The following ERICH1 variants were observed in gnomAD, a reference collection of about 807,000 sequenced individuals.
ERICH1 encodes glutamate rich 1.
ERICH1 carries 56 observed loss-of-function variants against 39.6 expected under a neutral mutation model. The ratio of observed to expected loss-of-function variants is 1.41; its 90% CI spans 1.14 to 1.77. The LOEUF is 1.77. Ranked by LOEUF, ERICH1 falls within the 40% of genes most tolerant of loss-of-function variation. The probability of loss-of-function intolerance (pLI) is 0.00; values close to 1 mark genes in which losing one functional copy is unlikely to be tolerated. For missense variants in ERICH1, 826 were observed against 575.4 expected (o/e 1.44, Z -4.45); for synonymous variants, 313 against 223.6 (o/e 1.40, Z -3.57).
chr8:699,769 G>A, intron 2 of ERICH1, among the ~76,000 whole-genome samples: 1 of 95,642 alleles, frequency 1.0e-5, no homozygotes, highest in South Asian at 3.4e-4. Context: ...TCACACAGCC[G>A]CACAGACCCG....
chr8:617,457 G>A (rs1478702123), intron 3 of ERICH1, among the ~76,000 whole-genome samples: 1 of 152,214 alleles, frequency 6.6e-6, no homozygotes, highest in African/African-American at 2.4e-5. Context: ...CCACTGGGGA[G>A]TGCTGAGTGC....
At chr8:694,282 G>A (rs1005689104) in intron 2 of ERICH1, among the ~76,000 whole-genome samples, 8 of 152,164 alleles carry the variant, frequency 5.3e-5, no homozygotes, top group Admixed American at 2.0e-4. Flanking sequence ...ATTCCCTGCC[G>A]GAGCCAAGGG....
At chr8:661,839 A>G (rs2131750576), downstream of ERICH1, among the ~76,000 whole-genome samples, 2 of 152,392 alleles carry the variant, frequency 1.3e-5, no homozygotes, top group Non-Finnish European at 2.9e-5. Flanking sequence ...GGTTTCGCAA[A>G]GTAAAGCCCC....
chr8:716,554 G>A (rs1397391071), intron 1 of ERICH1, among the ~76,000 whole-genome samples: 6 of 152,246 alleles, frequency 3.9e-5, no homozygotes, highest in Non-Finnish European at 8.8e-5. Flanking sequence ...GGAGAATTCC[G>A]TGCATCTGAC....
intron 3 of ERICH1, among the ~76,000 whole-genome samples, chr8:634,199 A>AACAAACAACCAAACAAAAAAAT (rs1563171397): frequency 6.6e-6 from 1 of 151,268 alleles, no homozygotes; most frequent in African/African-American, 2.5e-5. Context: ...AACAAAAAAA[A>AACAAACAACCAAACAAAAAAAT]CCCTGATTCA....
chr8:681,219 C>G (rs941966980), intron 3 of ERICH1, among the ~76,000 whole-genome samples: 1 of 152,188 alleles, frequency 6.6e-6, no homozygotes, highest in Non-Finnish European at 1.5e-5. Context: ...CCCTGCAGCG[C>G]TGCCCAGCCT....
intron 3 of ERICH1, among the ~76,000 whole-genome samples, chr8:650,646 G>A (rs1321779950): frequency 6.6e-6 from 1 of 152,196 alleles, no homozygotes; most frequent in Admixed American, 6.5e-5. Flanking sequence ...CCGTGCCATA[G>A]GGCAGGAGAG....
chr8:712,756 C>G lies in ERICH1; in HGVS notation c.169+3105G>C, dbSNP rs572108327. Among the ~76,000 whole-genome samples, 178 of 152,340 alleles carry G rather than the reference C, an allele frequency of 1.2e-3. 1 individual carries two copies. The South Asian group carries it at 0.012, about 10-fold the overall frequency. Reference sequence around the variant, plus strand: ...TGTTCTTTGCTGACATATAGGAAAGCAGTTGACTTCCGTGTATTAACTTTG... The same window carrying G: ...TGTTCTTTGCTGACATATAGGAAAGGAGTTGACTTCCGTGTATTAACTTTG... On this transcript the variant is annotated intron_variant, in intron 2 of 5. Coordinates refer to ENST00000262109, the MANE Select transcript of ERICH1 (RefSeq NM_207332.3).
intron 2 of ERICH1, among the ~76,000 whole-genome samples, chr8:703,377 C>T (rs1041539390): frequency 2.0e-5 from 3 of 152,066 alleles, no homozygotes; most frequent in Non-Finnish European, 4.4e-5. Context: ...GAAAAGTAGA[C>T]GGGATGCTGA....
chr8:652,253 A>G (rs1349982667), intron 3 of ERICH1, among the ~76,000 whole-genome samples: 3 of 152,218 alleles, frequency 2.0e-5, no homozygotes, highest in African/African-American at 7.2e-5. Context: ...AGCAGGAGGA[A>G]AGGTTACGTG....
At chr8:619,178 T>A (rs568651823) in intron 3 of ERICH1, among the ~76,000 whole-genome samples, 342 of 152,044 alleles carry the variant, frequency 2.2e-3, no homozygotes, top group Non-Finnish European at 4.2e-3. Flanking sequence ...GCCACCTGTG[T>A]TGCCCACCTC....
At chr8:625,843 AAC>A (rs531678598) in intron 3 of ERICH1, 9 of 152,222 alleles carry the variant, frequency 5.9e-5, no homozygotes, top group Non-Finnish European at 1.3e-4. Context: ...TTTGTTACGC[AAC>A]ACAGTTTTCA....
At chr8:716,673 G>A (rs953171419) in intron 1 of ERICH1, among the ~76,000 whole-genome samples, 4 of 152,244 alleles carry the variant, frequency 2.6e-5, no homozygotes, top group African/African-American at 7.2e-5. Context: ...CCTGATTTAA[G>A]TGTGGTTAAT....
intron 2 of ERICH1, among the ~76,000 whole-genome samples, chr8:711,442 G>A (rs900418424): frequency 3.3e-5 from 5 of 151,764 alleles, no homozygotes; most frequent in Non-Finnish European, 7.4e-5. Context: ...CACCTAGATT[G>A]CCTCCCAAGT....
rs553180513 is a variant in ERICH1, at chr8:689,522, C to T, written c.304+2956G>A. 1.9e-3 allele frequency among the ~76,000 whole-genome samples: 294 copies of T among 152,342 alleles called. 1 individual carries two copies. The highest frequency in any genetic ancestry group is 6.7e-3 in the African/African-American group (279 of 41,590). The stretch of plus-strand genomic sequence containing the variant: ...CAGATGCTGGCGGTGCCCCCACACC[C>T]CTTGTCTCCTCCTGGAGGTGTCTGG... On this transcript the variant is annotated intron_variant, in intron 3 of 5. Coordinates refer to ENST00000262109, the MANE Select transcript of ERICH1 (RefSeq NM_207332.3).
intron 3 of ERICH1, among the ~76,000 whole-genome samples, chr8:679,639 T>C (rs1440243175): frequency 6.6e-6 from 1 of 152,172 alleles, no homozygotes; most frequent in Non-Finnish European, 1.5e-5. Context: ...TCAAACTGCC[T>C]CAAAGGAAGA....
chr8:632,326 TA>T (rs10667356), intron 3 of ERICH1, among the ~76,000 whole-genome samples: 26 of 149,920 alleles, frequency 1.7e-4, no homozygotes, highest in East Asian at 5.8e-4. Context: ...TAATTAGCAG[TA>T]AAAAAAAAAT....
At chr8:652,835 C>A (rs140851791) in intron 3 of ERICH1, among the ~76,000 whole-genome samples, 1 of 152,270 alleles carries the variant, frequency 6.6e-6, no homozygotes, top group East Asian at 1.9e-4. Flanking sequence ...AAGGTCAACA[C>A]GCACGCAAAA....
At position 731,120 on chromosome 8, in the gene ERICH1, TCCGCA is replaced by T; in HGVS notation, c.22+15_22+19del. 6.6e-7 allele frequency: 1 copy of T among 1,506,406 alleles called. No individual in the cohort carries two copies. Among genetic ancestry groups the T allele is most frequent in the Non-Finnish European group, 8.9e-7 (1 of 1,128,846 alleles). 93.3% of individuals were successfully genotyped at this position (1,506,406 alleles called of 1,614,324 possible). A position where few individuals can be genotyped will look rare whatever the true frequency, so the allele number is the denominator to read the frequency against. ...GCCGGGTCTGGGGTCTGGGCAGGCC[TCCGCA>T]CCGCACCCACCTACCGTGCTTCCTG... is the stretch of plus-strand genomic sequence containing the variant. On this transcript the variant is annotated intron_variant, in intron 1 of 5. Coordinates refer to ENST00000262109, the MANE Select transcript of ERICH1 (RefSeq NM_207332.3).
Sources: gnomAD v4.1 joint callset for allele counts (sites outside exome capture counted in the v4.1 genomes callset) on GRCh38, gnomAD v4.1.1 for gene constraint, MANE v1.5 for transcripts, NCBI Gene and HGNC (gene_info 2026-07-23, HGNC 2026-07-21) for gene names.